ACOX2: variants seen among roughly 807,000 people sequenced by gnomAD.
ACOX2 encodes the protein acyl-CoA oxidase 2, also known as peroxisomal acyl-coenzyme A oxidase 2.
Under a neutral mutation model 77.5 loss-of-function variants are expected in ACOX2, and 59 were observed. That is an observed-to-expected ratio of 0.76 (90% CI 0.62 to 0.95). ACOX2 has a LOEUF of 0.95. Ranked by LOEUF, ACOX2 falls within the 40% of genes least tolerant of loss-of-function variation. The probability of loss-of-function intolerance (pLI) is 0.00; values close to 1 mark genes in which losing one functional copy is unlikely to be tolerated. For missense variants in ACOX2, 837 were observed against 880.4 expected, an observed-to-expected ratio of 0.95 and a Z score of 0.62; for synonymous variants, 317 against 340.1, an observed-to-expected ratio of 0.93 and a Z score of 0.75.
At position 58,522,365 on chromosome 3, in the gene ACOX2, G is replaced by T; in HGVS notation, c.1632+131C>A. 1.3e-6 allele frequency: 1 copy of T among 792,598 alleles called. No homozygotes were observed. Among genetic ancestry groups the T allele is most frequent in the Non-Finnish European group, 2.1e-6 (1 of 483,460 alleles). The allele number at this position is 792,598 out of a possible 1,614,324, so 49.1% of individuals were successfully genotyped here. ...TTAAAATACCCTGGACTAAAGCCTT[G>T]GAAGTGAAATGAGGGCAGCCGCCAC... On this transcript the variant is annotated intron_variant, in intron 12 of 14. Transcript: ENST00000302819. The surrounding 1 kb of genome is among the most constrained non-coding windows in gnomAD (Gnocchi z 4.3).
At position 58,535,971 on chromosome 3, in the gene ACOX2, C is replaced by T. The variant is rs977122039; in HGVS notation, c.-91-774G>A. ...TCTCTTACTTGGCCTCAGTGTTCCT[C>T]TTATTTGTTCTCCCAGCTGCCAGGT... On this transcript the variant is annotated intron_variant, in intron 1 of 14. Transcript: ENST00000302819. The surrounding 1 kb of genome is among the most constrained non-coding windows in gnomAD (Gnocchi z 4.8). 7.9e-5 allele frequency among the ~76,000 whole-genome samples: 12 copies of T among 152,148 alleles called. No individual in the cohort carries two copies. Among genetic ancestry groups the T allele is most frequent in the Non-Finnish European group, 1.8e-4 (12 of 68,034 alleles).
intron 5 of ACOX2, among the ~76,000 whole-genome samples, chr3:58,532,031 A>G (rs1391635856): frequency 6.6e-6 from 1 of 151,648 alleles, no homozygotes; most frequent in Admixed American, 6.6e-5. Flanking sequence ...TGCCCCCCCC[A>G]ACTATTAATG....
intron 5 of ACOX2, among the ~76,000 whole-genome samples, chr3:58,532,853 C>G (rs2063451063): frequency 6.6e-6 from 1 of 152,156 alleles, no homozygotes. Flanking sequence ...AGGTGAAATT[C>G]TCAAGTTTGA....
rs34391522 is a variant in ACOX2 at position 58,534,004 on chromosome 3, CTCTG to C, written c.461_464del (p.Thr154SerfsTer25). On this transcript the variant is annotated frameshift_variant, in exon 4 of 15. Coordinates refer to ENST00000302819, the MANE Select transcript of ACOX2 (RefSeq NM_003500.4). LOFTEE classifies it high-confidence loss of function. The surrounding 1 kb of genome is among the most constrained non-coding windows in gnomAD (Gnocchi z 4.8). ...GCAGTCCTAGCTCACCATGTCCCAA[CTCTG>C]TCTGTGCATACGTTGCGATGATCTG... 2.8e-3 allele frequency: 4,456 copies of C among 1,614,184 alleles called. 7 individuals are homozygous for C. Among genetic ancestry groups the C allele is most frequent in the Non-Finnish European group, 2.9e-3 (3,463 of 1,180,028 alleles).
rs1033211801 is a variant in ACOX2 at position 58,515,732 on chromosome 3, A to AT, written c.1850+1473dup. Among the ~76,000 whole-genome samples the AT allele has an allele frequency of 8.6e-5, 13 of 152,028 alleles. No individual in the cohort carries two copies. Among genetic ancestry groups the AT allele is most frequent in the East Asian group, 1.9e-4 (1 of 5,166 alleles). On this transcript the variant is annotated intron_variant, in intron 13 of 14. Transcript: ENST00000302819. This position sits in a 1 kb window ranked among gnomAD's most constrained non-coding sequence, Gnocchi z 4.0. Reference sequence around the variant, plus strand: ...AAAGATTATATTCTCAAATTAGTCCATTTTTTTTAATCTTATGGACAATGG... The same window carrying AT: ...AAAGATTATATTCTCAAATTAGTCCATTTTTTTTTAATCTTATGGACAATGG...
At chr3:58,518,164 G>A (rs545897928) in intron 12 of ACOX2, among the ~76,000 whole-genome samples, 147 of 151,904 alleles carry the variant, frequency 9.7e-4, no homozygotes, top group Middle Eastern at 3.4e-3. Flanking sequence ...GTGTGTGTGC[G>A]TGCACATGTG....
chr3:58,520,454 T>G (rs2063350983), intron 12 of ACOX2, among the ~76,000 whole-genome samples: 1 of 152,246 alleles, frequency 6.6e-6, no homozygotes, highest in Non-Finnish European at 1.5e-5. Context: ...TGACAGAGCC[T>G]AAAGGGCTCT....
intron 13 of ACOX2, 73 bp downstream of exon 13, chr3:58,517,133 T>C: frequency 6.5e-7 from 1 of 1,538,818 alleles, no homozygotes; most frequent in Non-Finnish European, 8.9e-7. Context: ...GTTTTGGAGT[T>C]GGAAGTGACC....
rs764569307 is a variant in ACOX2, at chr3:58,531,666, T to A, written c.703+27A>T. 4 of 1,610,654 alleles carry A rather than the reference T, an allele frequency of 2.5e-6. No individual in the cohort carries two copies. Among genetic ancestry groups the A allele is most frequent in the Non-Finnish European group, 3.4e-6 (4 of 1,178,164 alleles). On this transcript the variant is annotated intron_variant, in intron 6 of 14. Transcript: ENST00000302819. The surrounding 1 kb of genome is among the most constrained non-coding windows in gnomAD (Gnocchi z 5.8). ...CACCTGGGCTCTCCTCCTGGCAGGG[T>A]TCCTTGAGGGAGCATTATGGGCTTA...
In ACOX2 at chr3:58,533,330, G is replaced by T; in HGVS notation, c.583+115C>A. On this transcript the variant is annotated intron_variant, in intron 5 of 14. Transcript: ENST00000302819. The surrounding 1 kb of genome is among the most constrained non-coding windows in gnomAD (Gnocchi z 5.6). ...TGAACTGACTTGCCCAAGGTCAGCA[G>T]CCTAGAACAGAAAATCAATCTGAGG... is the stretch of plus-strand genomic sequence containing the variant. The T allele has an allele frequency of 1.0e-6, 1 of 971,574 alleles. No homozygotes were observed. Among genetic ancestry groups the T allele is most frequent in the Non-Finnish European group, 1.6e-6 (1 of 627,244 alleles). 60.2% of individuals were successfully genotyped at this position (971,574 alleles called of 1,614,324 possible). A position where few individuals can be genotyped will look rare whatever the true frequency, so the allele number is the denominator to read the frequency against.
intron 13 of ACOX2, among the ~76,000 whole-genome samples, chr3:58,510,339 A>C (rs562834879): frequency 1.2e-4 from 18 of 151,986 alleles, no homozygotes; most frequent in African/African-American, 4.1e-4. Context: ...TCTCTCAAAA[A>C]TACATTCAAC....
In ACOX2 at chr3:58,522,784, G is replaced by A. The variant is rs1259809129; in HGVS notation, c.1527-183C>T. On this transcript the variant is annotated intron_variant, in intron 11 of 14. Coordinates refer to ENST00000302819, the MANE Select transcript of ACOX2 (RefSeq NM_003500.4). This position sits in a 1 kb window ranked among gnomAD's most constrained non-coding sequence, Gnocchi z 4.3. ...TTTAAGGGCAGGCACCCCCCAGTTT[G>A]CAATGGGGAAAACTGAGTCCCAGAG... 2.0e-5 allele frequency among the ~76,000 whole-genome samples: 3 copies of A among 152,206 alleles called. No homozygotes were observed. Among genetic ancestry groups the A allele is most frequent in the African/African-American group, 7.2e-5 (3 of 41,452 alleles).
intron 8 of ACOX2, 139 bp from the exon 9 acceptor site, chr3:58,529,095 T>C (rs2063418119): frequency 2.5e-6 from 2 of 808,474 alleles, no homozygotes; most frequent in African/African-American, 3.5e-5. Flanking sequence ...AGGCCATTGA[T>C]AATCCTTTAA....
chr3:58,523,499 A>T lies in ACOX2; in HGVS notation c.1527-898T>A, dbSNP rs1201037280. 6.6e-6 allele frequency among the ~76,000 whole-genome samples: 1 copy of T among 152,242 alleles called. No homozygotes were observed. Among genetic ancestry groups the T allele is most frequent in the Non-Finnish European group, 1.5e-5 (1 of 68,036 alleles). The stretch of plus-strand genomic sequence containing the variant: ...TGTTCCAAGTTGCTTGTGATCTTGA[A>T]ATAACTATTAACCATCCCTGGGACC... On this transcript the variant is annotated intron_variant, in intron 11 of 14. Coordinates refer to ENST00000302819, the MANE Select transcript of ACOX2 (RefSeq NM_003500.4). This position sits in a 1 kb window ranked among gnomAD's most constrained non-coding sequence, Gnocchi z 5.3.
rs777082170 is a variant in ACOX2, at chr3:58,526,661, G to A, written c.1156-5C>T. 8.7e-6 allele frequency: 14 copies of A among 1,612,560 alleles called. No homozygotes were observed. Among genetic ancestry groups the A allele is most frequent in the Non-Finnish European group, 1.0e-5 (12 of 1,179,260 alleles). On this transcript the variant is annotated splice_polypyrimidine_tract_variant and splice_region_variant and intron_variant, in intron 9 of 14. Coordinates refer to ENST00000302819, the MANE Select transcript of ACOX2 (RefSeq NM_003500.4). The surrounding 1 kb of genome is among the most constrained non-coding windows in gnomAD (Gnocchi z 4.3). ...GCCCGTGCTCAGTGCGTGGAGCTGT[G>A]AGAACATGGAGGGGGGTTGGGCGGT...
In ACOX2 at chr3:58,535,714, G is replaced by A. The variant is rs1384617800; in HGVS notation, c.-91-517C>T. Among the ~76,000 whole-genome samples, 1 of 152,148 alleles carries A rather than the reference G, an allele frequency of 6.6e-6. No homozygotes were observed. Among genetic ancestry groups the A allele is most frequent in the Non-Finnish European group, 1.5e-5 (1 of 68,014 alleles). ...CTATGAGCCCTGCAGGTATATTGTG[G>A]AACTGAAGGGAGGAAGCCTTCTTCC... is the stretch of plus-strand genomic sequence containing the variant. On this transcript the variant is annotated intron_variant, in intron 1 of 14. Coordinates refer to ENST00000302819, the MANE Select transcript of ACOX2 (RefSeq NM_003500.4). The surrounding 1 kb of genome is among the most constrained non-coding windows in gnomAD (Gnocchi z 4.8).
Position 58,531,344 on chromosome 3 carries a change from T to C in ACOX2, c.726A>G (p.Gly242=). Residue 242 remains glycine (G), a synonymous_variant, in exon 7 of 15, where the codon GGA becomes GGG. Coordinates refer to ENST00000302819, the MANE Select transcript of ACOX2 (RefSeq NM_003500.4). This position sits in a 1 kb window ranked among gnomAD's most constrained non-coding sequence, Gnocchi z 5.8. ...CTGTTTGATCAAAGTCCATCTTGGGTCCGATGTCCCCAATGATGATTCCTT... is the reference window on the plus strand; with the variant it reads ...CTGTTTGATCAAAGTCCATCTTGGGCCCGATGTCCCCAATGATGATTCCTT... The part of the protein sequence containing the change: ...PLPGIIIGDI[G]PKMDFDQTDN... The C allele has an allele frequency of 6.2e-7, 1 of 1,614,012 alleles. No homozygotes were observed. Among genetic ancestry groups the C allele is most frequent in the Non-Finnish European group, 8.5e-7 (1 of 1,179,980 alleles).
rs2063297022 is a variant in ACOX2 at position 58,512,690 on chromosome 3, A to G, written c.1851-3665T>C. On this transcript the variant is annotated intron_variant, in intron 13 of 14. Coordinates refer to ENST00000302819, the MANE Select transcript of ACOX2 (RefSeq NM_003500.4). This position sits in a 1 kb window ranked among gnomAD's most constrained non-coding sequence, Gnocchi z 4.8. ...TATGCCAAGCACACTCTGGTCTCCA[A>G]CATTTGTACTGTCATGCACTGCATA... Among the ~76,000 whole-genome samples the G allele has an allele frequency of 6.6e-6, 1 of 152,188 alleles. No homozygotes were observed. The highest frequency in any genetic ancestry group is 2.1e-4 in the South Asian group (1 of 4,822).
In ACOX2 at chr3:58,519,043, G is replaced by A. The variant is rs2063341257; in HGVS notation, c.1633-1620C>T. Among the ~76,000 whole-genome samples, 1 of 152,298 alleles carries A rather than the reference G, an allele frequency of 6.6e-6. No homozygotes were observed. Among genetic ancestry groups the A allele is most frequent in the South Asian group, 2.1e-4 (1 of 4,826 alleles). ...CTGTGCATTTCTAACAAGGTCCCCT[G>A]TGATGCCCATGCTGCTGTAGTGATT... is the stretch of plus-strand genomic sequence containing the variant. On this transcript the variant is annotated intron_variant, in intron 12 of 14. Transcript: ENST00000302819. This position sits in a 1 kb window ranked among gnomAD's most constrained non-coding sequence, Gnocchi z 5.0.
Sources: allele counts gnomAD v4.1 joint callset (sites outside exome capture counted in the v4.1 genomes callset), GRCh38; gene constraint gnomAD v4.1.1; non-coding constraint Gnocchi (gnomAD v3.1); transcripts MANE v1.5; gene names NCBI Gene and HGNC (gene_info 2026-07-23, HGNC 2026-07-21).